The following CPNE9 variants were observed in gnomAD, a reference collection of about 807,000 sequenced individuals.
The protein encoded by CPNE9 is copine-9.
In CPNE9, 59 loss-of-function variants were observed where a neutral mutation model predicts 83.0. That is an observed-to-expected ratio of 0.71 (90% CI 0.58 to 0.88). CPNE9 has a LOEUF of 0.88. Ranked by LOEUF, CPNE9 falls within the 40% of genes least tolerant of loss-of-function variation. The pLI, the probability that CPNE9 is intolerant of heterozygous loss-of-function variation, is 0.00. For missense variants in CPNE9, 619 were observed against 720.8 expected, an observed-to-expected ratio of 0.86 and a Z score of 1.62; for synonymous variants, 256 against 273.4, an observed-to-expected ratio of 0.94 and a Z score of 0.63.
chr3:9,715,971 C>T lies in CPNE9; in HGVS notation c.823-3C>T, dbSNP rs1330251465. ...TGCCAGGGCTGCCTATTCTGTCCCA[C>T]AGGTGACGCTGCTCTCCTTCTCTGT... On this transcript the variant is annotated splice_polypyrimidine_tract_variant and splice_region_variant and intron_variant, in intron 13 of 20. Transcript: ENST00000383832. 5 of 1,611,156 alleles carry T rather than the reference C, an allele frequency of 3.1e-6. No individual in the cohort carries two copies. Among genetic ancestry groups the T allele is most frequent in the East Asian group, 2.2e-5 (1 of 44,870 alleles).
At chr3:9,711,525 A>T (rs377720795) in intron 7 of CPNE9, among the ~76,000 whole-genome samples, 1 of 152,186 alleles carries the variant, frequency 6.6e-6, no homozygotes, top group South Asian at 2.1e-4. Flanking sequence ...CCGTAGGCGA[A>T]TAGAACCTAT....
At chr3:9,714,189 G>C (rs1182659005) in intron 10 of CPNE9, among the ~76,000 whole-genome samples, 1 of 152,206 alleles carries the variant, frequency 6.6e-6, no homozygotes, top group Non-Finnish European at 1.5e-5. Flanking sequence ...TAACCAGATG[G>C]ATAGATGTTA....
intron 7 of CPNE9, among the ~76,000 whole-genome samples, chr3:9,708,771 T>G (rs1009128503): frequency 6.6e-6 from 1 of 151,956 alleles, no homozygotes; most frequent in Admixed American, 6.5e-5. Flanking sequence ...TAGCTGGGAC[T>G]ACAGGCACCC....
chr3:9,711,192 G>A (rs575692639), intron 7 of CPNE9, among the ~76,000 whole-genome samples: 4 of 152,006 alleles, frequency 2.6e-5, no homozygotes, highest in Admixed American at 6.6e-5. Flanking sequence ...GGTCCTGGAT[G>A]TGCAAGCGAA....
intron 17 of CPNE9, among the ~76,000 whole-genome samples, chr3:9,725,672 A>G (rs138006814): frequency 1.5e-3 from 44 of 29,016 alleles, no homozygotes; most frequent in South Asian, 4.9e-3. Context: ...ATGTATATAT[A>G]TGTGTATATA....
rs369995855 is a variant in CPNE9, at chr3:9,708,885, C to T, written c.377+2822C>T. Among the ~76,000 whole-genome samples the T allele has an allele frequency of 3.4e-4, 52 of 151,808 alleles. No homozygotes were observed. In the East Asian group the frequency reaches 7.4e-3, roughly 22 times the overall value. ...TCCTGACCTCATGATCCGCCCGCCT[C>T]GGCCTCCCAAAGTACTGGGATTACA... On this transcript the variant is annotated intron_variant, in intron 7 of 20. Transcript: ENST00000383832.
chr3:9,728,193 A>T (rs1028863899), intron 20 of CPNE9, among the ~76,000 whole-genome samples: 8 of 152,220 alleles, frequency 5.3e-5, no homozygotes, highest in African/African-American at 1.9e-4. Flanking sequence ...CCTTAAAAAG[A>T]GGTCAGGGAT....
chr3:9,719,930 G>A (rs2076719396), intron 17 of CPNE9, among the ~76,000 whole-genome samples: 1 of 151,628 alleles, frequency 6.6e-6, no homozygotes. Context: ...GGCAGAGGGT[G>A]CAGTGAGCCG....
chr3:9,725,699 T>TATATATGTGTATAC (rs1559646279), intron 17 of CPNE9, among the ~76,000 whole-genome samples: 39 of 137,236 alleles, frequency 2.8e-4, no homozygotes, highest in African/African-American at 1.0e-3. Context: ...CATATATGTG[T>TATATATGTGTATAC]ATATATGTGT....
chr3:9,720,977 G>C (rs112172599), intron 17 of CPNE9, among the ~76,000 whole-genome samples: 2 of 152,194 alleles, frequency 1.3e-5, no homozygotes, highest in Non-Finnish European at 2.9e-5. Flanking sequence ...TAGGGTTGTT[G>C]TGAGGACTAA....
intron 8 of CPNE9, 45 bp downstream of exon 8, chr3:9,712,649 C>T (rs2076641134): frequency 6.2e-7 from 1 of 1,608,304 alleles, no homozygotes; most frequent in Admixed American, 1.7e-5. Flanking sequence ...CCTTCTCTCC[C>T]CGTAAACCCT....
intron 7 of CPNE9, among the ~76,000 whole-genome samples, chr3:9,712,278 T>C (rs2076637532): frequency 6.6e-6 from 1 of 152,214 alleles, no homozygotes; most frequent in Non-Finnish European, 1.5e-5. Flanking sequence ...TTAACAATCA[T>C]AAAATCCACT....
intron 14 of CPNE9, 48 bp downstream of exon 14, chr3:9,716,083 T>A: frequency 1.3e-6 from 2 of 1,519,128 alleles, no homozygotes; most frequent in South Asian, 2.3e-5. Flanking sequence ...AATAAATTAC[T>A]CCCAGTTCTG....
intron 18 of CPNE9, among the ~76,000 whole-genome samples, 164 bp downstream of exon 18, chr3:9,726,215 G>GC (rs147928080): frequency 2.0e-4 from 30 of 152,286 alleles, no homozygotes; most frequent in African/African-American, 6.7e-4. Flanking sequence ...TTGATTTCCA[G>GC]CAAAAGCAGT....
intron 10 of CPNE9, 103 bp downstream of exon 10, chr3:9,713,182 C>A (rs1011701359): frequency 1.2e-4 from 106 of 880,788 alleles, no homozygotes; most frequent in Admixed American, 2.2e-5. Flanking sequence ...GTTGGAGGGT[C>A]CTGCTCAGTG....
chr3:9,714,811 C>T (rs2076664903), intron 10 of CPNE9, 103 bp from the exon 11 acceptor site: 2 of 971,092 alleles, frequency 2.1e-6, no homozygotes, highest in South Asian at 3.1e-5. Flanking sequence ...AATGGGAAGA[C>T]AGATGGGTGG....
At chr3:9,729,466 C>T (rs780979474) in intron 20 of CPNE9, 41 bp from the exon 21 acceptor site, 2 of 1,569,372 alleles carry the variant, frequency 1.3e-6, no homozygotes, top group South Asian at 1.2e-5. Context: ...TGCCCTCTCT[C>T]CTGGTCATGG....
chr3:9,718,433 AC>A (rs757210703), intron 16 of CPNE9, 41 bp from the exon 17 acceptor site: 1 of 1,595,370 alleles, frequency 6.3e-7, no homozygotes, highest in Non-Finnish European at 8.6e-7. Flanking sequence ...TCCTGCATGT[AC>A]CCTGCATGGG....
chr3:9,708,138 CAG>C (rs752204953), intron 7 of CPNE9, among the ~76,000 whole-genome samples: 39 of 152,260 alleles, frequency 2.6e-4, no homozygotes, highest in Admixed American at 8.5e-4. Flanking sequence ...TTTGTAGAAA[CAG>C]GGGGCCTCAT....
Sources: gnomAD v4.1 joint callset for allele counts (sites outside exome capture counted in the v4.1 genomes callset) on GRCh38, gnomAD v4.1.1 for gene constraint, MANE v1.5 for transcripts, NCBI Gene and HGNC (gene_info 2026-07-23, HGNC 2026-07-21) for gene names.